Variants in DST observed in about 807,000 individuals in gnomAD.
The protein encoded by DST is dystonin.
Under a neutral mutation model 875.2 loss-of-function variants are expected in DST, and 253 were observed. The ratio of observed to expected loss-of-function variants is 0.29; its 90% confidence interval spans 0.26 to 0.32. The LOEUF (loss-of-function observed/expected upper bound fraction) is 0.32, where lower values mean the gene tolerates loss of function less well. Ranked by LOEUF, DST falls within the 10% of genes least tolerant of loss-of-function variation. The pLI is 1.00. For synonymous variants in DST, 3,124 were observed against 3,197.1 expected (o/e 0.98, Z 0.77); for missense variants, 8,287 against 9,111.6 (o/e 0.91, Z 3.68).
chr6:56,640,042 T>C lies in DST; in HGVS notation c.2506A>G (p.Thr836Ala), dbSNP rs956012216. The C allele has an allele frequency of 1.2e-6, 2 of 1,614,090 alleles. No homozygotes were observed. The highest frequency in any genetic ancestry group is 1.7e-5 in the Admixed American group (1 of 60,008). ...VDEMQVQLDR[T>A]EWGSDLPSVE... ...CTTGGCAAATCTGAGCCCCACTCAG[T>C]GCGGTCCAGTTGTACCTTCAGACAG... Residue 836 changes from threonine (T) to alanine (A), a missense_variant, in exon 19 of 104, where the codon ACT becomes GCT. Around this residue, in one of 10 missense-constraint regions of DST, gnomAD observed 1,160 missense variants for 1,424.3 expected, o/e 0.81. Coordinates refer to ENST00000680361, the MANE Select transcript of DST (RefSeq NM_001374736.1).
At chr6:56,657,787 C>A (rs1032858114) in intron 10 of DST, among the ~76,000 whole-genome samples, 1 of 152,178 alleles carries the variant, frequency 6.6e-6, no homozygotes, top group South Asian at 2.1e-4. Context: ...TTTTTTGAGA[C>A]AAGAGTCTCA....
Position 56,607,614 on chromosome 6 carries a change from C to A in DST, c.7014G>T (p.Val2338=), listed in dbSNP as rs2098510060. 1 of 1,613,236 alleles carries A rather than the reference C, an allele frequency of 6.2e-7. No homozygotes were observed. The highest frequency in any genetic ancestry group is 8.5e-7 in the Non-Finnish European group (1 of 1,179,558). ...IDPKVNSSPS[V]CVPSLISYLT... is the part of the protein sequence containing the mutation. Reference sequence around the variant, plus strand: ...AATATGATATGAGACTGGGAACACACACACTGGGTGAACTGTTAACTTTAG... The same window carrying A: ...AATATGATATGAGACTGGGAACACAAACACTGGGTGAACTGTTAACTTTAG... The change falls in exon 40 of 104, where the codon GTG becomes GTT. Residue 2338 remains valine, a synonymous_variant. Coordinates refer to ENST00000680361, the MANE Select transcript of DST (RefSeq NM_001374736.1).
intron 2 of DST, among the ~76,000 whole-genome samples, chr6:56,904,368 G>A (rs2127699993): frequency 6.6e-6 from 1 of 152,268 alleles, no homozygotes; most frequent in Non-Finnish European, 1.5e-5. Context: ...TAGGTGTGTG[G>A]TCTTGGCTAA....
At chr6:56,569,610 T>A (rs1239220819) in intron 54 of DST, among the ~76,000 whole-genome samples, 1 of 152,180 alleles carries the variant, frequency 6.6e-6, no homozygotes, top group African/African-American at 2.4e-5. Context: ...GAAACTTGAT[T>A]ACTAGAATAG....
Position 56,578,840 on chromosome 6 carries a change from G to C in DST, c.13001C>G (p.Ala4334Gly). 6.2e-7 allele frequency: 1 copy of C among 1,611,892 alleles called. No homozygotes were observed. Among genetic ancestry groups the C allele is most frequent in the Non-Finnish European group, 8.5e-7 (1 of 1,179,038 alleles). ...AAGTGTTTTCTGGATATCATTCTTG[G>C]CTGGAAGTAAAGATCCCCTGGCATC... The part of the protein sequence containing the change: ...LLDARGSLLP[A>G]KNDIQKTLDD... Residue 4334 changes from alanine to glycine, a missense_variant, in exon 50 of 104, where the codon GCC becomes GGC. Ala to Gly is a moderately conservative substitution (Grantham distance 60). Around this residue, in one of 10 missense-constraint regions of DST, gnomAD observed 1,513 missense variants for 1,677.8 expected, o/e 0.90. Transcript: ENST00000680361.
chr6:56,692,673 A>G (rs537948118), intron 9 of DST: 2 of 1,289,786 alleles, frequency 1.6e-6, no homozygotes, highest in South Asian at 1.2e-5. Context: ...CATCATCTAA[A>G]TGTTTCTTCC....
rs768013118 is a variant in DST at position 56,607,489 on chromosome 6, C to T, written c.7139G>A (p.Arg2380His). ...TTTAGAATGACTACATTCATTTGCA[C>T]GTTCATTTGTTTCCACTCGGCTTTG... Reference protein sequence around the residue: ...ENQSRVETNERANECSHSKNI... With the variant: ...ENQSRVETNEHANECSHSKNI... The change falls in exon 40 of 104, where the codon CGT becomes CAT. Residue 2380 changes from arginine (R) to histidine (H), a missense_variant. Arg to His is a conservative substitution (Grantham distance 29). Around this residue, in one of 10 missense-constraint regions of DST, gnomAD observed 3,138 missense variants for 3,116.6 expected, o/e 1.01. Transcript: ENST00000680361. The T allele has an allele frequency of 1.3e-5, 20 of 1,597,488 alleles. No homozygotes were observed. Among genetic ancestry groups the T allele is most frequent in the Middle Eastern group, 1.6e-4 (1 of 6,064 alleles).
chr6:56,519,920 C>T (rs1381316644), intron 69 of DST, among the ~76,000 whole-genome samples: 1 of 152,122 alleles, frequency 6.6e-6, no homozygotes, highest in Non-Finnish European at 1.5e-5. Flanking sequence ...TTAGAATTAC[C>T]TGACAATGAT....
At chr6:56,699,796 C>A in intron 8 of DST, 51 bp from the exon 9 acceptor site, 1 of 813,922 alleles carries the variant, frequency 1.2e-6, no homozygotes, top group Non-Finnish European at 1.9e-6. Context: ...CAAACCTGAA[C>A]CAGTTATCTT....
chr6:56,475,396 C>CACACACACAA (rs943697717), intron 92 of DST, among the ~76,000 whole-genome samples: 11 of 67,992 alleles, frequency 1.6e-4, no homozygotes, highest in African/African-American at 4.8e-4. Context: ...GCTTTTAAAA[C>CACACACACAA]ACACACACAC....
At position 56,463,407 on chromosome 6, in the gene DST, C is replaced by T. The variant is rs114556571; in HGVS notation, c.22959+158G>A. 0.027 allele frequency among the ~76,000 whole-genome samples: 4,043 copies of T among 152,186 alleles called. 78 individuals carry two copies. The highest frequency in any genetic ancestry group is 0.042 in the Non-Finnish European group (2,876 of 67,992). The stretch of plus-strand genomic sequence containing the variant: ...ATGTGGGCCACTAGGCAAAAGCATA[C>T]ATTCAAAAAAAAATTCCTGTATTTC... On this transcript the variant is annotated intron_variant, in intron 101 of 103. Coordinates refer to ENST00000680361, the MANE Select transcript of DST (RefSeq NM_001374736.1).
intron 32 of DST, among the ~76,000 whole-genome samples, chr6:56,628,636 C>G (rs1261647192): frequency 6.6e-6 from 1 of 152,132 alleles, no homozygotes; most frequent in African/African-American, 2.4e-5. Flanking sequence ...ACCTATGTAT[C>G]ATATTTGTTA....
At chr6:56,595,782 C>T (rs373399270) in intron 47 of DST, among the ~76,000 whole-genome samples, 1 of 143,938 alleles carries the variant, frequency 6.9e-6, no homozygotes, top group Non-Finnish European at 1.5e-5. Context: ...ATATGCTACC[C>T]CCACCCCACC....
At chr6:56,488,530 A>G (rs1351144489) in intron 86 of DST, among the ~76,000 whole-genome samples, 1 of 152,134 alleles carries the variant, frequency 6.6e-6, no homozygotes, top group African/African-American at 2.4e-5. Flanking sequence ...TGGCCAGGGA[A>G]CAGATGCTCA....
rs1325893287 is a variant in DST, at chr6:56,552,851, A to C, written c.15941T>G (p.Met5314Arg). 2.5e-6 allele frequency: 4 copies of C among 1,613,630 alleles called. No homozygotes were observed. Among genetic ancestry groups the C allele is most frequent in the Non-Finnish European group, 3.4e-6 (4 of 1,179,904 alleles). The change falls in exon 61 of 104, where the codon ATG becomes AGG. Residue 5314 changes from methionine (M) to arginine (R), a missense_variant. This residue lies in a region of DST where 1,513 missense variants were observed against 1,677.8 expected (regional missense o/e 0.90). Coordinates refer to ENST00000680361, the MANE Select transcript of DST (RefSeq NM_001374736.1). Reference sequence around the variant, plus strand: ...AAGTGATTTCTGCTGAGTTTGCAACATGGTCAGGTATTTGTTACTGTAAGC... The same window carrying C: ...AAGTGATTTCTGCTGAGTTTGCAACCTGGTCAGGTATTTGTTACTGTAAGC... Reference protein sequence around the residue: ...SQAYSNKYLTMLQTQQKSLQA... With the variant: ...SQAYSNKYLTRLQTQQKSLQA...
chr6:56,755,287 T>C (rs1045055888), intron 4 of DST, among the ~76,000 whole-genome samples: 1 of 152,190 alleles, frequency 6.6e-6, no homozygotes, highest in Non-Finnish European at 1.5e-5. Context: ...TGCACAGTTG[T>C]GGGTAGCTAG....
Position 56,724,822 on chromosome 6 carries a change from T to C in DST, c.687+10406A>G, listed in dbSNP as rs554623860. Among the ~76,000 whole-genome samples the C allele has an allele frequency of 6.9e-4, 105 of 152,310 alleles. 1 individual carries two copies. The highest frequency in any genetic ancestry group is 6.2e-3 in the South Asian group (30 of 4,830). On this transcript the variant is annotated intron_variant, in intron 5 of 103. Coordinates refer to ENST00000680361, the MANE Select transcript of DST (RefSeq NM_001374736.1). ...TTGCATATTGCAGGCATTCTTCCCT[T>C]TTCAATATATAGGCAATATTATGAC... is the stretch of plus-strand genomic sequence containing the variant.
At chr6:56,898,523 T>C (rs1451367855) in intron 3 of DST, among the ~76,000 whole-genome samples, 1 of 152,222 alleles carries the variant, frequency 6.6e-6, no homozygotes, top group African/African-American at 2.4e-5. Context: ...GCTAGACTCC[T>C]GGCAAGAGAA....
rs752692179 is a variant in DST at position 56,670,655 on chromosome 6, G to A, written c.1200C>T (p.Ile400=). ...AAATTCCATACCTGTATTTATGAAT[G>A]ATGGCATTAAATAATTTTCCATCTC... ...CWRDGKLFNA[I]IHKYRPDLID... Residue 400 remains isoleucine (I), a synonymous_variant, in exon 10 of 104, where the codon ATC becomes ATT. Coordinates refer to ENST00000680361, the MANE Select transcript of DST (RefSeq NM_001374736.1). 8 of 1,585,126 alleles carry A rather than the reference G, an allele frequency of 5.0e-6. No homozygotes were observed. Among genetic ancestry groups the A allele is most frequent in the Non-Finnish European group, 6.9e-6 (8 of 1,165,656 alleles).
Sources: allele counts gnomAD v4.1 joint callset (sites outside exome capture counted in the v4.1 genomes callset), GRCh38; gene constraint gnomAD v4.1.1; regional missense constraint gnomAD v4.1.1; transcripts MANE v1.5; gene names NCBI Gene and HGNC (gene_info 2026-07-23, HGNC 2026-07-21).